Variants in GSAP observed in about 807,000 individuals in gnomAD.
GSAP encodes gamma-secretase-activating protein.
In GSAP, 118 loss-of-function variants were observed where a neutral mutation model predicts 131.7. The observed-to-expected ratio is 0.90, with a 90% CI of 0.77 to 1.04. GSAP has a LOEUF of 1.04. Among genes scored for constraint, GSAP ranks in the 50% least tolerant of loss-of-function variants. The probability of loss-of-function intolerance (pLI) is 0.00; values close to 1 mark genes in which losing one functional copy is unlikely to be tolerated. For synonymous variants in GSAP, 381 were observed against 363.4 expected (o/e 1.05, Z -0.55); for missense variants, 1,019 against 1,013.2 (o/e 1.01, Z -0.08).
chr7:77,394,228 C>A (rs548835015), intron 5 of GSAP, among the ~76,000 whole-genome samples: 1 of 152,174 alleles, frequency 6.6e-6, no homozygotes, highest in Non-Finnish European at 1.5e-5. Flanking sequence ...CTTGAGTCTA[C>A]GTGATCCATC....
Position 77,328,654 on chromosome 7 carries a change from C to G in GSAP, c.1734-17G>C. 6.8e-7 allele frequency: 1 copy of G among 1,465,120 alleles called. No individual in the cohort carries two copies. Among genetic ancestry groups the G allele is most frequent in the Non-Finnish European group, 9.6e-7 (1 of 1,046,882 alleles). The allele number at this position is 1,465,120 out of a possible 1,614,324, so 90.8% of individuals were successfully genotyped here. ...GAAATCACCCTACGAAGAAATTAGC[C>G]ATGTTATTCACAGACAGCATTGCTT... On this transcript the variant is annotated splice_polypyrimidine_tract_variant and intron_variant, in intron 21 of 30. Transcript: ENST00000257626.
chr7:77,405,023 T>C (rs1802019144), intron 2 of GSAP, among the ~76,000 whole-genome samples: 1 of 152,248 alleles, frequency 6.6e-6, no homozygotes. Context: ...AATAATTATT[T>C]TTACTTTAAA....
At chr7:77,373,537 A>G (rs1796433226) in intron 12 of GSAP, among the ~76,000 whole-genome samples, 1 of 152,220 alleles carries the variant, frequency 6.6e-6, no homozygotes, top group Admixed American at 6.5e-5. Context: ...GAATGTAATC[A>G]TATTCAACTT....
chr7:77,380,868 A>G (rs958669452), intron 8 of GSAP, among the ~76,000 whole-genome samples: 1 of 152,232 alleles, frequency 6.6e-6, no homozygotes, highest in African/African-American at 2.4e-5. Context: ...TAAATAACCA[A>G]TTAGTTATAT....
In GSAP at chr7:77,320,577, C is replaced by A. The variant is rs1331714690; in HGVS notation, c.2089+148G>T. On this transcript the variant is annotated intron_variant, in intron 26 of 30. Coordinates refer to ENST00000257626, the MANE Select transcript of GSAP (RefSeq NM_017439.4). ...AGGAGCTCTGGTCAGCAGAGACCAA[C>A]CTAAGGGCCCATCACTCACAGTAAC... 6.5e-6 allele frequency: 4 copies of A among 618,586 alleles called. No homozygotes were observed. In the Admixed American group the frequency reaches 1.1e-4, roughly 18 times the overall value. 38.3% of individuals were successfully genotyped at this position (618,586 alleles called of 1,614,324 possible).
chr7:77,383,799 A>C (rs1798132660), intron 6 of GSAP, among the ~76,000 whole-genome samples: 1 of 152,228 alleles, frequency 6.6e-6, no homozygotes, highest in Admixed American at 6.5e-5. Context: ...AAAGTAATAT[A>C]AAAGGGCACA....
chr7:77,394,137 A>C (rs1583829812), intron 5 of GSAP, among the ~76,000 whole-genome samples: 1 of 152,196 alleles, frequency 6.6e-6, no homozygotes, highest in East Asian at 1.9e-4. Context: ...TTTATGAAGC[A>C]AGTTAGATCA....
intron 19 of GSAP, among the ~76,000 whole-genome samples, chr7:77,331,214 T>C (rs1236093669): frequency 6.6e-6 from 1 of 151,960 alleles, no homozygotes; most frequent in East Asian, 1.9e-4. Context: ...GGCAGGAGAG[T>C]GGCATGAACC....
At chr7:77,369,910 A>AT (rs1795868444) in intron 12 of GSAP, among the ~76,000 whole-genome samples, 1 of 117,706 alleles carries the variant, frequency 8.5e-6, no homozygotes, top group African/African-American at 3.7e-5. Flanking sequence ...ACGTTTTTTT[A>AT]TTTTTTCAAA....
intron 6 of GSAP, 121 bp from the exon 7 acceptor site, chr7:77,382,764 G>A (rs1563080886): frequency 1.7e-6 from 1 of 590,832 alleles, no homozygotes; most frequent in Non-Finnish European, 3.1e-6. Flanking sequence ...TCACAGAAGA[G>A]TTTAGGGGAA....
intron 24 of GSAP, among the ~76,000 whole-genome samples, chr7:77,322,954 G>A (rs933786038): frequency 2.6e-5 from 4 of 152,088 alleles, no homozygotes; most frequent in Non-Finnish European, 5.9e-5. Flanking sequence ...TTTGCATACT[G>A]GTCTTATACA....
At chr7:77,385,113 A>C (rs12536611) in intron 6 of GSAP, among the ~76,000 whole-genome samples, 19,498 of 150,300 alleles carry the variant, frequency 0.13, 1,394 homozygotes, top group Middle Eastern at 0.18. Context: ...GGCTCACTGC[A>C]ACCTCTGCCT....
At chr7:77,353,954 C>T (rs1480130637) in intron 16 of GSAP, among the ~76,000 whole-genome samples, 1 of 152,076 alleles carries the variant, frequency 6.6e-6, no homozygotes, top group Non-Finnish European at 1.5e-5. Context: ...TGGAAAGAGC[C>T]GTGGGATACA....
intron 18 of GSAP, among the ~76,000 whole-genome samples, chr7:77,349,880 C>T (rs1256673604): frequency 1.3e-5 from 2 of 152,112 alleles, no homozygotes; most frequent in Non-Finnish European, 2.9e-5. Flanking sequence ...GGTAATTTTT[C>T]TGTACCTCAT....
rs768551676 is a variant in GSAP, at chr7:77,355,601, A to C, written c.1074T>G (p.Leu358=). Residue 358 remains leucine (L), a synonymous_variant, in exon 15 of 31, where the codon CTT becomes CTG. Transcript: ENST00000257626. Reference sequence around the variant, plus strand: ...AGATCAGGTCTGGATGTTGAACATTAAGTAGGTGGAAGAAATGACCAGGTA... The same window carrying C: ...AGATCAGGTCTGGATGTTGAACATTCAGTAGGTGGAAGAAATGACCAGGTA... ...VYLPGHFFHL[L]NVQHPDLICH... 1.2e-6 allele frequency: 2 copies of C among 1,609,750 alleles called. No individual in the cohort carries two copies. Among genetic ancestry groups the C allele is most frequent in the Non-Finnish European group, 8.5e-7 (1 of 1,176,048 alleles).
At chr7:77,337,290 C>T (rs1038521680) in intron 19 of GSAP, among the ~76,000 whole-genome samples, 7 of 6,062 alleles carry the variant, frequency 1.2e-3, no homozygotes, top group East Asian at 8.5e-3. Flanking sequence ...GTAACGGGGG[C>T]GGGGGTGGGG....
chr7:77,347,559 T>C (rs1792097339), intron 19 of GSAP, among the ~76,000 whole-genome samples: 1 of 152,158 alleles, frequency 6.6e-6, no homozygotes, highest in Non-Finnish European at 1.5e-5. Context: ...GGACAGAGTT[T>C]TTCCTCACAC....
chr7:77,348,869 T>A (rs571138789), intron 19 of GSAP, among the ~76,000 whole-genome samples: 1 of 152,286 alleles, frequency 6.6e-6, no homozygotes, highest in East Asian at 1.9e-4. Context: ...AAAAAGCTGT[T>A]TTTACAACCA....
intron 13 of GSAP, among the ~76,000 whole-genome samples, chr7:77,362,009 T>A (rs533033224): frequency 1.3e-5 from 2 of 152,344 alleles, no homozygotes; most frequent in South Asian, 2.1e-4. Context: ...AAACACACTT[T>A]GGATAAATAC....
Sources: gnomAD v4.1 joint callset for allele counts (sites outside exome capture counted in the v4.1 genomes callset) on GRCh38, gnomAD v4.1.1 for gene constraint, MANE v1.5 for transcripts, NCBI Gene and HGNC (gene_info 2026-07-23, HGNC 2026-07-21) for gene names.